Variants in LIPM observed in about 807,000 individuals in gnomAD.
LIPM encodes lipase family member M.
LIPM carries 42 observed loss-of-function variants against 42.4 expected under a neutral mutation model. The observed-to-expected ratio is 0.99, with a 90% CI of 0.77 to 1.28. The LOEUF is 1.28. Among genes scored for constraint, LIPM ranks in the 50% most tolerant of loss-of-function variants. The pLI is 0.00. For missense variants in LIPM, 524 were observed against 520.1 expected (o/e 1.01, Z -0.07); for synonymous variants, 177 against 173.3 (o/e 1.02, Z -0.17).
At chr10:88,805,848 G>A (rs915764055) in intron 1 of LIPM, 25 of 400,786 alleles carry the variant, frequency 6.2e-5, no homozygotes, top group Non-Finnish European at 5.0e-6. Context: ...CTGTGGAAAG[G>A]AAGTAGAGAA....
In LIPM at chr10:88,808,325, C is replaced by A. The variant is rs556741339; in HGVS notation, c.175C>A (p.Pro59Thr). 31 of 1,549,304 alleles carry A rather than the reference C, an allele frequency of 2.0e-5. No individual in the cohort carries two copies. The African/African-American group carries it at 4.1e-4, about 21-fold the overall frequency. The change falls in exon 2 of 9, where the codon CCC becomes ACC. Residue 59 changes from proline to threonine, a missense_variant. By Grantham distance (38) the Pro-to-Thr change is conservative. Coordinates refer to ENST00000404743, the MANE Select transcript of LIPM (RefSeq NM_001128215.1). Reference protein sequence around the residue: ...ISEIIQHQGYPCEEYEVATED... With the variant: ...ISEIIQHQGYTCEEYEVATED... ...TGAAATCATCCAACATCAAGGCTATCCCTGTGAGGAATATGAAGTCGCAAC... is the reference window on the plus strand; with the variant it reads ...TGAAATCATCCAACATCAAGGCTATACCTGTGAGGAATATGAAGTCGCAAC...
At chr10:88,816,132 G>A (rs1843716031) in intron 6 of LIPM, among the ~76,000 whole-genome samples, 1 of 152,128 alleles carries the variant, frequency 6.6e-6, no homozygotes, top group Admixed American at 6.5e-5. Context: ...CTCAAGTTAG[G>A]AAGAGAGGGT....
chr10:88,813,294 A>G lies in LIPM; in HGVS notation c.463A>G (p.Ser155Gly). 6.3e-7 allele frequency: 1 copy of G among 1,586,668 alleles called. No individual in the cohort carries two copies. The highest frequency in any genetic ancestry group is 2.3e-5 in the East Asian group (1 of 43,692). The change falls in exon 3 of 9, where the codon AGT becomes GGT. Residue 155 changes from serine (S) to glycine (G), a missense_variant and splice_region_variant. Coordinates refer to ENST00000404743, the MANE Select transcript of LIPM (RefSeq NM_001128215.1). ...SIDQDEFWAF[S>G]YDEMARFDLP... is the part of the protein sequence containing the mutation. ...AGACCAAGATGAGTTCTGGGCTTTC[A>G]GGTATATGATAATCTCGAGAACAGA...
chr10:88,810,860 G>A (rs74147294), intron 2 of LIPM, among the ~76,000 whole-genome samples: 2,413 of 152,274 alleles, frequency 0.016, 68 homozygotes, highest in South Asian at 0.12. Context: ...GGAAATGCCC[G>A]GACTCTCAAG....
rs551182969 is a variant in LIPM, at chr10:88,810,220, A to G, written c.265+1805A>G. ...GGGATGAATTATAGATTTTGTATAA[A>G]TAAATGAATAGCCTGGGGACACAGC... On this transcript the variant is annotated intron_variant, in intron 2 of 8. Coordinates refer to ENST00000404743, the MANE Select transcript of LIPM (RefSeq NM_001128215.1). Among the ~76,000 whole-genome samples the G allele has an allele frequency of 3.3e-5, 5 of 152,340 alleles. No individual in the cohort carries two copies. In the East Asian group the frequency reaches 7.7e-4, roughly 23 times the overall value.
At chr10:88,816,378 A>G (rs57762787) in intron 6 of LIPM, among the ~76,000 whole-genome samples, 8,527 of 152,288 alleles carry the variant, frequency 0.056, 330 homozygotes, top group South Asian at 0.08. Context: ...AAAAGTATAT[A>G]TTATGTATCA....
At position 88,808,352 on chromosome 10, in the gene LIPM, G is replaced by T; in HGVS notation, c.202G>T (p.Glu68Ter). The T allele has an allele frequency of 6.4e-7, 1 of 1,551,600 alleles. No individual in the cohort carries two copies. Among genetic ancestry groups the T allele is most frequent in the Non-Finnish European group, 8.7e-7 (1 of 1,146,862 alleles). ...YPCEEYEVAT[E>*]DGYILSVNRI... ...CTGTGAGGAATATGAAGTCGCAACT[G>T]AAGATGGGTATATCCTTTCTGTTAA... is the stretch of plus-strand genomic sequence containing the variant. The change falls in exon 2 of 9, where the codon GAA becomes TAA. Residue 68 changes from glutamate (E) to a stop codon, truncating the protein, a stop_gained. Transcript: ENST00000404743. LOFTEE classifies it high-confidence loss of function.
At chr10:88,808,084 G>T (rs1843609869) in intron 1 of LIPM, among the ~76,000 whole-genome samples, 1 of 152,144 alleles carries the variant, frequency 6.6e-6, no homozygotes. Context: ...CCCATACTTT[G>T]AGAACCATAA....
intron 2 of LIPM, among the ~76,000 whole-genome samples, chr10:88,811,854 A>G (rs1843660203): frequency 6.6e-6 from 1 of 152,224 alleles, no homozygotes. Flanking sequence ...ATTTTCTAAG[A>G]ACAAGAGTAT....
chr10:88,819,987 A>T (rs1427892600), intron 8 of LIPM, among the ~76,000 whole-genome samples: 1 of 152,244 alleles, frequency 6.6e-6, no homozygotes, highest in Non-Finnish European at 1.5e-5. Flanking sequence ...TTGTCATTTG[A>T]TCTAGCAAGT....
chr10:88,815,630 C>A (rs955857661), intron 6 of LIPM, 127 bp downstream of exon 6: 7 of 804,426 alleles, frequency 8.7e-6, no homozygotes, highest in African/African-American at 1.7e-5. Flanking sequence ...TAACTCAGTT[C>A]TCTGCAAACT....
At position 88,802,974 on chromosome 10, in the gene LIPM, G is replaced by T. The variant is rs200294645; in HGVS notation, c.78G>T (p.Met26Ile). ...EMWLLILVAY[M>I]FQRNVNSVHM... is the part of the protein sequence containing the mutation. ...GGCTTCTGATTCTGGTGGCGTATAT[G>T]TTCCAGAGAAATGTGAATTCAGTAC... Residue 26 changes from methionine to isoleucine, a missense_variant, in exon 1 of 9, where the codon ATG (methionine) becomes ATT (isoleucine). Met to Ile is a conservative substitution (Grantham distance 10, BLOSUM62 1). Coordinates refer to ENST00000404743, the MANE Select transcript of LIPM (RefSeq NM_001128215.1). The T allele has an allele frequency of 6.4e-7, 1 of 1,551,406 alleles. No individual in the cohort carries two copies.
chr10:88,803,067 G>A (rs193221998), intron 1 of LIPM, 24 bp downstream of exon 1: 324 of 1,548,486 alleles, frequency 2.1e-4, no homozygotes, highest in Non-Finnish European at 1.6e-5. Context: ...TCTGGGAAAT[G>A]AGGTACTTAA....
At chr10:88,817,584 A>G (rs1026261733) in intron 7 of LIPM, among the ~76,000 whole-genome samples, 4 of 152,180 alleles carry the variant, frequency 2.6e-5, no homozygotes, top group African/African-American at 9.7e-5. Context: ...ATGAAGATGC[A>G]CTTCCTGGAG....
chr10:88,814,443 G>T (rs1843692752), intron 3 of LIPM, 87 bp from the exon 4 acceptor site: 3 of 835,222 alleles, frequency 3.6e-6, no homozygotes, highest in Non-Finnish European at 5.8e-6. Flanking sequence ...ACAACTCAAG[G>T]GCTTGTTTGT....
At position 88,807,954 on chromosome 10, in the gene LIPM, A is replaced by C. The variant is rs1024589474; in HGVS notation, c.148-344A>C. ...ACATTAGGGTACATCAAAATTCCCT[A>C]AAGAGCTTGAGACACAAACTGCTGG... On this transcript the variant is annotated intron_variant, in intron 1 of 8. Coordinates refer to ENST00000404743, the MANE Select transcript of LIPM (RefSeq NM_001128215.1). Among the ~76,000 whole-genome samples, 3 of 152,312 alleles carry C rather than the reference A, an allele frequency of 2.0e-5. No individual in the cohort carries two copies. In the South Asian group the frequency reaches 6.2e-4, roughly 32 times the overall value.
intron 8 of LIPM, among the ~76,000 whole-genome samples, chr10:88,818,721 T>C (rs1336994545): frequency 1.3e-5 from 2 of 152,160 alleles, no homozygotes; most frequent in Non-Finnish European, 2.9e-5. Context: ...TCCGCTGCCA[T>C]ATGTCTATCT....
At chr10:88,810,375 G>T (rs1843639876) in intron 2 of LIPM, among the ~76,000 whole-genome samples, 1 of 152,064 alleles carries the variant, frequency 6.6e-6, no homozygotes. Context: ...ACATCCTGTT[G>T]ATTCAGACTG....
In LIPM at chr10:88,811,518, G is replaced by T. The variant is rs567328171; in HGVS notation, c.266-1579G>T. Among the ~76,000 whole-genome samples the T allele has an allele frequency of 6.6e-5, 10 of 152,192 alleles. No homozygotes were observed. In the East Asian group the frequency reaches 1.9e-3, roughly 29 times the overall value. ...CCTTATTAATCTTTCAGCCAAATTTGCTAATGTCAAAATAATATATATGCC... is the reference window on the plus strand; with the variant it reads ...CCTTATTAATCTTTCAGCCAAATTTTCTAATGTCAAAATAATATATATGCC... On this transcript the variant is annotated intron_variant, in intron 2 of 8. Transcript: ENST00000404743.
Sources: allele counts gnomAD v4.1 joint callset (sites outside exome capture counted in the v4.1 genomes callset), GRCh38; gene constraint gnomAD v4.1.1; transcripts MANE v1.5; gene names NCBI Gene and HGNC (gene_info 2026-07-23, HGNC 2026-07-21).